Variants in RBFOX1 observed in about 807,000 individuals in gnomAD.
RBFOX1 encodes RNA binding fox-1 homolog 1, also known as RNA binding protein fox-1 homolog 1.
RBFOX1 carries 8 observed loss-of-function variants against 57.7 expected under a neutral mutation model. The ratio of observed to expected loss-of-function variants is 0.14; its 90% CI spans 0.08 to 0.25. The LOEUF is 0.25. Ranked by LOEUF, RBFOX1 falls within the 10% of genes least tolerant of loss-of-function variation. The pLI is 1.00. For missense variants in RBFOX1, 611 were observed against 548.5 expected (o/e 1.11, Z -1.14); for synonymous variants, 326 against 222.4 (o/e 1.47, Z -4.15).
chr16:7,186,767 C>T (rs1200824458), intron 4 of RBFOX1, among the ~76,000 whole-genome samples: 1 of 150,530 alleles, frequency 6.6e-6, no homozygotes, highest in Non-Finnish European at 1.5e-5. Flanking sequence ...TTATAACTAA[C>T]AGCATTAACT....
rs117018318 is a variant in RBFOX1, at chr16:7,445,985, G to A, written c.28-72162G>A. On this transcript the variant is annotated intron_variant, in intron 4 of 15. Transcript: ENST00000550418. Reference sequence around the variant, plus strand: ...CTAAAGAAGCCCATTTCAAGAGTCGGGGATCTTCTCTTTCTAATCTCAGCC... The same window carrying A: ...CTAAAGAAGCCCATTTCAAGAGTCGAGGATCTTCTCTTTCTAATCTCAGCC... 5.1e-3 allele frequency among the ~76,000 whole-genome samples: 777 copies of A among 152,184 alleles called. 5 individuals are homozygous for A. The highest frequency in any genetic ancestry group is 8.5e-3 in the Non-Finnish European group (580 of 68,006).
At chr16:7,340,170 A>G (rs1359018705) in intron 4 of RBFOX1, among the ~76,000 whole-genome samples, 1 of 152,236 alleles carries the variant, frequency 6.6e-6, no homozygotes, top group Non-Finnish European at 1.5e-5. Context: ...AGGCCAGATC[A>G]GGGACCTCTT....
At chr16:6,205,380 G>T (rs1315488304) in intron 1 of RBFOX1, among the ~76,000 whole-genome samples, 3 of 152,218 alleles carry the variant, frequency 2.0e-5, no homozygotes, top group Non-Finnish European at 4.4e-5. Context: ...CACCTGAGAT[G>T]AAATTGAACA....
chr16:5,365,340 C>G (rs1185696695), intron 1 of RBFOX1, among the ~76,000 whole-genome samples: 3 of 152,084 alleles, frequency 2.0e-5, no homozygotes, highest in African/African-American at 7.2e-5. Context: ...CACACATCAC[C>G]CAACACATAA....
At chr16:6,780,215 A>G (rs1359331526) in intron 3 of RBFOX1, among the ~76,000 whole-genome samples, 1 of 77,182 alleles carries the variant, frequency 1.3e-5, no homozygotes, top group Non-Finnish European at 2.0e-5. Flanking sequence ...ATATTTATAT[A>G]TATTTATATA....
intron 2 of RBFOX1, among the ~76,000 whole-genome samples, chr16:5,556,798 A>AC (rs1228382242): frequency 6.6e-6 from 1 of 152,242 alleles, no homozygotes; most frequent in Non-Finnish European, 1.5e-5. Context: ...TTCTGTGGCC[A>AC]CATAAGTTTG....
chr16:6,681,590 C>A lies in RBFOX1; in HGVS notation c.-16+26940C>A, dbSNP rs187731339. On this transcript the variant is annotated intron_variant, in intron 3 of 15. Transcript: ENST00000550418. ...AGTAACAATTTGTTGTTAATTTGGC[C>A]CGTTAGTTAAAGCCGTAAACAAAGA... Among the ~76,000 whole-genome samples the A allele has an allele frequency of 1.6e-3, 242 of 151,696 alleles. 1 individual carries two copies. The highest frequency in any genetic ancestry group is 5.6e-3 in the African/African-American group (233 of 41,334).
intron 1 of RBFOX1, among the ~76,000 whole-genome samples, chr16:5,253,185 T>C (rs2062498683): frequency 2.0e-5 from 3 of 152,130 alleles, no homozygotes; most frequent in Non-Finnish European, 4.4e-5. Context: ...ATTTCACTTT[T>C]GTTGCCCAGG....
rs1051018713 is a variant in RBFOX1 at position 7,613,963 on chromosome 16, A to G, written c.676+6625A>G. Among the ~76,000 whole-genome samples, 8 of 152,242 alleles carry G rather than the reference A, an allele frequency of 5.3e-5. 1 individual carries two copies. Among genetic ancestry groups the G allele is most frequent in the African/African-American group, 1.9e-4 (8 of 41,460 alleles). ...CTATAAAAAGTCCTAGGTATAAAGC[A>G]TGCCCTGTTTGGGATGAAAGAGCAC... On this transcript the variant is annotated intron_variant, in intron 10 of 15. Transcript: ENST00000550418.
intron 4 of RBFOX1, among the ~76,000 whole-genome samples, chr16:7,354,081 C>T (rs756449010): frequency 1.3e-5 from 2 of 152,134 alleles, no homozygotes; most frequent in African/African-American, 4.8e-5. Context: ...AAGCGATTCT[C>T]CTGCCTCAGC....
intron 4 of RBFOX1, among the ~76,000 whole-genome samples, chr16:5,908,218 A>C (rs557427812): frequency 6.9e-6 from 1 of 145,814 alleles, no homozygotes; most frequent in South Asian, 2.1e-4. Flanking sequence ...ATATATATAC[A>C]TATATACACA....
chr16:5,356,923 G>A (rs2065404834), intron 1 of RBFOX1, among the ~76,000 whole-genome samples: 1 of 152,160 alleles, frequency 6.6e-6, no homozygotes, highest in Non-Finnish European at 1.5e-5. Context: ...CTGGCATTAG[G>A]CTAATTGCTT....
chr16:6,891,383 A>G (rs1336156869), intron 3 of RBFOX1, among the ~76,000 whole-genome samples: 3 of 152,152 alleles, frequency 2.0e-5, no homozygotes, highest in Admixed American at 6.6e-5. Context: ...ATTTGGGTCT[A>G]CCCAGTTCTG....
At chr16:7,301,855 C>G (rs1243012727) in intron 4 of RBFOX1, among the ~76,000 whole-genome samples, 1 of 151,926 alleles carries the variant, frequency 6.6e-6, no homozygotes. Context: ...GAATGGTTGG[C>G]CTTTTATTCC....
At chr16:6,573,192 A>T (rs939819378) in intron 2 of RBFOX1, among the ~76,000 whole-genome samples, 8 of 152,130 alleles carry the variant, frequency 5.3e-5, no homozygotes, top group African/African-American at 1.9e-4. Flanking sequence ...GTGAAGGGAA[A>T]CAGTGCCCTT....
intron 3 of RBFOX1, among the ~76,000 whole-genome samples, chr16:6,738,652 C>T (rs560521941): frequency 6.6e-6 from 1 of 152,278 alleles, no homozygotes; most frequent in East Asian, 1.9e-4. Flanking sequence ...TTGACAATTA[C>T]AGAACCCTTT....
intron 3 of RBFOX1, among the ~76,000 whole-genome samples, chr16:6,967,622 C>T (rs2084568718): frequency 6.6e-6 from 1 of 152,090 alleles, no homozygotes. Context: ...ACTCAGTACA[C>T]TTCGCTGTTG....
chr16:5,582,285 G>A (rs561309693), intron 2 of RBFOX1, among the ~76,000 whole-genome samples: 1 of 152,284 alleles, frequency 6.6e-6, no homozygotes, highest in South Asian at 2.1e-4. Context: ...GGCCTTCACA[G>A]CAAGCTGAGT....
At chr16:7,123,683 C>T (rs1011307447) in intron 4 of RBFOX1, among the ~76,000 whole-genome samples, 11 of 152,034 alleles carry the variant, frequency 7.2e-5, no homozygotes, top group Admixed American at 7.2e-4. Context: ...CTTTTAAAAG[C>T]CATATGTTAG....
Sources: allele counts gnomAD v4.1 joint callset (sites outside exome capture counted in the v4.1 genomes callset), GRCh38; gene constraint gnomAD v4.1.1; transcripts MANE v1.5; gene names NCBI Gene and HGNC (gene_info 2026-07-23, HGNC 2026-07-21).